The following SVOPL variants were observed in gnomAD, a reference collection of about 807,000 sequenced individuals.
The protein encoded by SVOPL is putative transporter SVOPL.
SVOPL carries 60 observed loss-of-function variants against 61.0 expected under a neutral mutation model. That is an observed-to-expected ratio of 0.98 (90% CI 0.80 to 1.22). SVOPL has a LOEUF of 1.22. Ranked by LOEUF, SVOPL falls within the 50% of genes most tolerant of loss-of-function variation. The probability of loss-of-function intolerance (pLI) is 0.00; values close to 1 mark genes in which losing one functional copy is unlikely to be tolerated. For missense variants in SVOPL, 662 were observed against 643.9 expected, an observed-to-expected ratio of 1.03 and a Z score of -0.30; for synonymous variants, 279 against 250.0, an observed-to-expected ratio of 1.12 and a Z score of -1.09.
At chr7:138,679,552 C>T (rs558305355) in intron 1 of SVOPL, among the ~76,000 whole-genome samples, 12 of 152,198 alleles carry the variant, frequency 7.9e-5, no homozygotes, top group African/African-American at 2.9e-4. Context: ...GGATTATAGG[C>T]GTGAACGACT....
chr7:138,687,640 G>T (rs1228281395), intron 1 of SVOPL, among the ~76,000 whole-genome samples: 1 of 149,548 alleles, frequency 6.7e-6, no homozygotes, highest in African/African-American at 2.5e-5. Context: ...CAAAAAAATT[G>T]GACTTAATAA....
At chr7:138,694,867 T>A (rs1803032690) in intron 1 of SVOPL, among the ~76,000 whole-genome samples, 1 of 151,864 alleles carries the variant, frequency 6.6e-6, no homozygotes, top group African/African-American at 2.4e-5. Flanking sequence ...GCCTCCTGAG[T>A]AGCTGGGATT....
At chr7:138,654,250 A>G (rs1801590917) in intron 7 of SVOPL, among the ~76,000 whole-genome samples, 2 of 152,166 alleles carry the variant, frequency 1.3e-5, no homozygotes, top group Non-Finnish European at 1.5e-5. Flanking sequence ...TTGACTGTAC[A>G]TTTCAAAATA....
chr7:138,659,822 G>A (rs1009893345), intron 6 of SVOPL, 42 bp downstream of exon 6: 67 of 1,539,194 alleles, frequency 4.4e-5, no homozygotes, highest in Non-Finnish European at 5.5e-5. Context: ...GCCTGCAGGG[G>A]TACACGTTTC....
rs112619377 is a variant in SVOPL at position 138,677,436 on chromosome 7, G to A, written c.174+998C>T. Among the ~76,000 whole-genome samples, 67 of 152,208 alleles carry A rather than the reference G, an allele frequency of 4.4e-4. 4 individuals are homozygous for A. Among genetic ancestry groups the A allele is most frequent in the East Asian group, 1.5e-3 (8 of 5,176 alleles). On this transcript the variant is annotated intron_variant, in intron 3 of 15. Transcript: ENST00000674285. ...ATGGGTTTTATTAACCCTATAGATC[G>A]TGACTTACTTTCCGATTTGGCATAA...
At chr7:138,654,130 C>CAA (rs34730936) in intron 7 of SVOPL, among the ~76,000 whole-genome samples, 3,521 of 99,114 alleles carry the variant, frequency 0.036, 159 homozygotes, top group African/African-American at 0.11. Context: ...AAGACTCCCT[C>CAA]AAAAAAAAAA....
At chr7:138,596,273 T>C in intron 15 of SVOPL, 144 bp downstream of exon 15, 1 of 660,566 alleles carries the variant, frequency 1.5e-6, no homozygotes, top group Non-Finnish European at 2.5e-6. Context: ...ACAAAGTCCT[T>C]GTTATTCAAA....
At chr7:138,699,924 A>G (rs56859254) in intron 1 of SVOPL, among the ~76,000 whole-genome samples, 4,412 of 152,290 alleles carry the variant, frequency 0.029, 196 homozygotes, top group African/African-American at 0.1. Flanking sequence ...GGGAAGAAAC[A>G]AACGTACAGG....
chr7:138,630,969 AGC>A (rs1563103741), intron 9 of SVOPL, among the ~76,000 whole-genome samples: 5 of 144,056 alleles, frequency 3.5e-5, no homozygotes, highest in Non-Finnish European at 7.5e-5. Flanking sequence ...AAAAAAAAAA[AGC>A]AAGGAAGAGT....
At chr7:138,615,895 CCT>C (rs957747027) in intron 14 of SVOPL, among the ~76,000 whole-genome samples, 2 of 152,042 alleles carry the variant, frequency 1.3e-5, no homozygotes, top group Non-Finnish European at 2.9e-5. Flanking sequence ...AACTCTTTCC[CCT>C]CTTTCTGGAT....
intron 4 of SVOPL, among the ~76,000 whole-genome samples, chr7:138,666,575 C>A (rs549517971): frequency 6.6e-6 from 1 of 152,192 alleles, no homozygotes; most frequent in Non-Finnish European, 1.5e-5. Flanking sequence ...TGATTTACAA[C>A]CCAGACCACT....
chr7:138,640,414 A>C (rs940136455), intron 9 of SVOPL, among the ~76,000 whole-genome samples: 2 of 151,906 alleles, frequency 1.3e-5, no homozygotes, highest in African/African-American at 4.8e-5. Context: ...TATTTTTACT[A>C]GAGTCAGGGT....
At chr7:138,626,114 A>AT in intron 12 of SVOPL, 64 bp from the exon 13 acceptor site, 2 of 1,487,592 alleles carry the variant, frequency 1.3e-6, no homozygotes, top group Non-Finnish European at 1.9e-6. Flanking sequence ...CCAGTGGCCC[A>AT]GCTTCGAGTG....
At chr7:138,649,978 C>T (rs926520681) in intron 7 of SVOPL, among the ~76,000 whole-genome samples, 3 of 151,940 alleles carry the variant, frequency 2.0e-5, no homozygotes, top group East Asian at 1.9e-4. Context: ...ATTATAGGCG[C>T]GTGCCACCAC....
At chr7:138,611,840 T>C (rs1243498299) in intron 14 of SVOPL, among the ~76,000 whole-genome samples, 146 of 61,118 alleles carry the variant, frequency 2.4e-3, no homozygotes, top group Middle Eastern at 4.7e-3. Flanking sequence ...TGCCTTGGCC[T>C]CCCAAAGTGC....
chr7:138,641,834 A>ATATATATAT (rs1554464902), intron 9 of SVOPL, among the ~76,000 whole-genome samples: 1 of 29,490 alleles, frequency 3.4e-5, no homozygotes, highest in Non-Finnish European at 8.2e-5. Flanking sequence ...ATATATATAT[A>ATATATATAT]ACATATATAT....
intron 14 of SVOPL, among the ~76,000 whole-genome samples, chr7:138,617,928 C>T (rs1446231550): frequency 6.6e-6 from 1 of 152,110 alleles, no homozygotes; most frequent in African/African-American, 2.4e-5. Flanking sequence ...TCAAGTTACC[C>T]TAGTAATTCT....
chr7:138,657,468 G>A (rs569177696), intron 6 of SVOPL, among the ~76,000 whole-genome samples: 314 of 151,800 alleles, frequency 2.1e-3, no homozygotes, highest in Non-Finnish European at 2.7e-3. Context: ...AACACATTGG[G>A]AAATTAAAAT....
intron 14 of SVOPL, among the ~76,000 whole-genome samples, chr7:138,619,546 T>C (rs1214027940): frequency 7.7e-6 from 1 of 130,256 alleles, no homozygotes. Flanking sequence ...GGGATTAGCT[T>C]GGTTTCTCAG....
Sources: allele counts gnomAD v4.1 joint callset (sites outside exome capture counted in the v4.1 genomes callset), GRCh38; gene constraint gnomAD v4.1.1; transcripts MANE v1.5; gene names NCBI Gene and HGNC (gene_info 2026-07-23, HGNC 2026-07-21).